Variants in DLG1 observed in about 807,000 individuals in gnomAD.
DLG1 encodes discs large MAGUK scaffold protein 1, also known as disks large homolog 1.
Under a neutral mutation model 123.4 loss-of-function variants are expected in DLG1, and 42 were observed. The ratio of observed to expected loss-of-function variants is 0.34; its 90% CI spans 0.27 to 0.44. The LOEUF (loss-of-function observed/expected upper bound fraction) is 0.44. Ranked by LOEUF, DLG1 falls within the 20% of genes least tolerant of loss-of-function variation. The pLI, the probability that DLG1 is intolerant of heterozygous loss-of-function variation, is 1.00. For missense variants in DLG1, 942 were observed against 1,082.6 expected (o/e 0.87, Z 1.82); for synonymous variants, 317 against 356.2 (o/e 0.89, Z 1.24).
intron 4 of DLG1, among the ~76,000 whole-genome samples, chr3:197,223,742 T>C (rs573694124): frequency 6.6e-6 from 1 of 152,336 alleles, no homozygotes; most frequent in South Asian, 2.1e-4. Flanking sequence ...ATTTCTGAAA[T>C]GTTTTAACTA....
chr3:197,276,854 T>TA (rs1393806772), intron 4 of DLG1, among the ~76,000 whole-genome samples: 1 of 152,074 alleles, frequency 6.6e-6, no homozygotes, highest in Non-Finnish European at 1.5e-5. Context: ...AAGCCTTCCT[T>TA]ATTAAAAATC....
At position 197,069,248 on chromosome 3, in the gene DLG1, G is replaced by T. The variant is rs749786841; in HGVS notation, c.2018C>A (p.Ser673Tyr). Reference sequence around the variant, plus strand: ...ACTACTTTCACTATCGCTGGCATTAGAAGTTACATGCTCTGAAATTGCAGG... The same window carrying T: ...ACTACTTTCACTATCGCTGGCATTATAAGTTACATGCTCTGAAATTGCAGG... ...ETSDADQHVT[S>Y]NASDSESSYR... Residue 673 changes from serine to tyrosine, a missense_variant, in exon 19 of 25, where the codon TCT becomes TAT. Ser to Tyr is a moderately radical substitution (Grantham distance 144). Transcript: ENST00000667157. The T allele has an allele frequency of 1.9e-6, 3 of 1,587,862 alleles. No homozygotes were observed. The highest frequency in any genetic ancestry group is 2.6e-6 in the Non-Finnish European group (3 of 1,166,750).
chr3:197,061,254 T>C lies in DLG1; in HGVS notation c.2374-1256A>G, dbSNP rs532894573. Among the ~76,000 whole-genome samples, 5 of 152,356 alleles carry C rather than the reference T, an allele frequency of 3.3e-5. No homozygotes were observed. In the South Asian group the frequency reaches 1.0e-3, roughly 32 times the overall value. On this transcript the variant is annotated intron_variant, in intron 22 of 24. Transcript: ENST00000667157. ...TAATAGACACCATGTACCCATTATC[T>C]ACTTTCATCAGACATAAATATTTTA... is the stretch of plus-strand genomic sequence containing the variant.
chr3:197,127,557 C>T (rs2149510738), intron 11 of DLG1, among the ~76,000 whole-genome samples: 1 of 137,326 alleles, frequency 7.3e-6, no homozygotes, highest in East Asian at 2.1e-4. Context: ...TGCAACACAA[C>T]TGAACTGCAT....
At chr3:197,187,967 G>A (rs891541831) in intron 5 of DLG1, among the ~76,000 whole-genome samples, 1 of 152,008 alleles carries the variant, frequency 6.6e-6, no homozygotes, top group Admixed American at 6.6e-5. Flanking sequence ...GCCAAGCCCT[G>A]AATAAAGTAA....
rs6787931 is a variant in DLG1, at chr3:197,198,557, C to T, written c.319-3968G>A. On this transcript the variant is annotated intron_variant, in intron 4 of 24. Transcript: ENST00000667157. ...TACAAATAATATATTTCATAAGGGT[C>T]TACTGTCCAGAATACATCTTATAGC... Among the ~76,000 whole-genome samples the T allele has an allele frequency of 1.0e-3, 154 of 150,900 alleles. 2 individuals carry two copies. Among genetic ancestry groups the T allele is most frequent in the African/African-American group, 3.4e-3 (139 of 41,196 alleles).
At chr3:197,286,912 G>A (rs1304890668) in intron 3 of DLG1, among the ~76,000 whole-genome samples, 1 of 150,164 alleles carries the variant, frequency 6.7e-6, no homozygotes, top group Admixed American at 6.6e-5. Context: ...TTTTTAAAGA[G>A]ACAGAGTCTC....
intron 5 of DLG1, among the ~76,000 whole-genome samples, chr3:197,193,845 G>C (rs1720980823): frequency 6.6e-6 from 1 of 151,258 alleles, no homozygotes; most frequent in African/African-American, 2.4e-5. Context: ...TTTTGAAATG[G>C]AGTTATTGCT....
intron 5 of DLG1, among the ~76,000 whole-genome samples, chr3:197,154,938 G>A (rs1055108663): frequency 4.6e-5 from 7 of 152,118 alleles, no homozygotes; most frequent in East Asian, 1.9e-4. Context: ...TAAGGGACCC[G>A]TGAGACATCA....
At chr3:197,053,296 C>A (rs541166438) in intron 23 of DLG1, among the ~76,000 whole-genome samples, 137 of 152,308 alleles carry the variant, frequency 9.0e-4, no homozygotes, top group Non-Finnish European at 1.6e-3. Flanking sequence ...CAGCATTTCT[C>A]GTAAGGGAGG....
intron 2 of DLG1, 176 bp downstream of exon 2, chr3:197,297,010 A>T (rs1777757312): frequency 1.4e-6 from 1 of 711,118 alleles, no homozygotes; most frequent in Non-Finnish European, 2.3e-6. Flanking sequence ...AAGTTTAACA[A>T]ACATTTTCGT....
intron 5 of DLG1, among the ~76,000 whole-genome samples, chr3:197,157,199 GAAAT>G (rs1796760090): frequency 6.6e-6 from 1 of 152,052 alleles, no homozygotes. Flanking sequence ...GCAAGAAAAA[GAAAT>G]AAAAGACATC....
chr3:197,207,603 T>C (rs1385176844), intron 4 of DLG1, among the ~76,000 whole-genome samples: 1 of 152,148 alleles, frequency 6.6e-6, no homozygotes, highest in East Asian at 1.9e-4. Context: ...GTGTGCACAA[T>C]CTTCAACAAA....
intron 22 of DLG1, among the ~76,000 whole-genome samples, chr3:197,061,371 G>C (rs187252942): frequency 6.6e-6 from 1 of 152,262 alleles, no homozygotes; most frequent in East Asian, 1.9e-4. Context: ...ATAATAGTTT[G>C]AGAATAAACT....
Position 197,065,347 on chromosome 3 carries a change from T to G in DLG1, c.2302A>C (p.Ile768Leu), listed in dbSNP as rs375924494. The change falls in exon 22 of 25, where the codon ATT becomes CTT. Residue 768 changes from isoleucine (I) to leucine (L), a missense_variant. Ile to Leu is a conservative substitution (Grantham distance 5, BLOSUM62 2). Transcript: ENST00000667157. ...TGATTGTTATACTGGCCAGCTTCAA[T>G]GAATTTATGTTCCTGGATATCTTTT... ...MEKDIQEHKF[I>L]EAGQYNNHLY... 1 of 1,613,546 alleles carries G rather than the reference T, an allele frequency of 6.2e-7. No homozygotes were observed.
At chr3:197,161,320 T>C (rs1798674264) in intron 5 of DLG1, among the ~76,000 whole-genome samples, 1 of 152,200 alleles carries the variant, frequency 6.6e-6, no homozygotes, top group South Asian at 2.1e-4. Flanking sequence ...TTACTAACTT[T>C]AGAAGAATAA....
chr3:197,190,339 C>T (rs186989940), intron 5 of DLG1, among the ~76,000 whole-genome samples: 6 of 152,106 alleles, frequency 3.9e-5, no homozygotes, highest in African/African-American at 1.2e-4. Flanking sequence ...ACTAGTCCCC[C>T]GTGAATCCTC....
intron 3 of DLG1, among the ~76,000 whole-genome samples, chr3:197,283,379 T>C (rs1009199707): frequency 6.6e-6 from 1 of 152,150 alleles, no homozygotes; most frequent in Non-Finnish European, 1.5e-5. Context: ...AAGAGGAAAT[T>C]AAAATCAAAG....
chr3:197,200,075 A>G (rs1018581521), intron 4 of DLG1, among the ~76,000 whole-genome samples: 5 of 152,198 alleles, frequency 3.3e-5, no homozygotes, highest in Admixed American at 3.3e-4. Flanking sequence ...GAATGTGACT[A>G]AATTACTACT....
Sources: allele counts gnomAD v4.1 joint callset (sites outside exome capture counted in the v4.1 genomes callset), GRCh38; gene constraint gnomAD v4.1.1; transcripts MANE v1.5; gene names NCBI Gene and HGNC (gene_info 2026-07-23, HGNC 2026-07-21).